PLEKHD1: variants seen among roughly 807,000 people sequenced by gnomAD.
The protein encoded by PLEKHD1 is pleckstrin homology domain-containing family D member 1.
PLEKHD1 carries 51 observed loss-of-function variants against 69.2 expected under a neutral mutation model. That is an observed-to-expected ratio of 0.74 (90% confidence interval 0.59 to 0.93). PLEKHD1 has a LOEUF of 0.93. Among genes scored for constraint, PLEKHD1 ranks in the 40% least tolerant of loss-of-function variants. PLEKHD1 has a pLI of 0.00. For synonymous variants in PLEKHD1, 236 were observed against 244.7 expected (o/e 0.96, Z 0.33); for missense variants, 584 against 641.0 (o/e 0.91, Z 0.96).
Position 69,524,377 on chromosome 14 carries a change from A to C in PLEKHD1, c.744+55A>C, listed in dbSNP as rs536624371. 178 of 1,422,632 alleles carry C rather than the reference A, an allele frequency of 1.3e-4. No homozygotes were observed. The African/African-American group carries it at 2.3e-3, about 18-fold the overall frequency. 88.1% of individuals were successfully genotyped at this position (1,422,632 alleles called of 1,614,324 possible). On this transcript the variant is annotated intron_variant, in intron 8 of 12. Transcript: ENST00000322564. Reference sequence around the variant, plus strand: ...AGGTGGCAGGCTGGTTGGTTGGACCACATGACACTGTTTTTTCCAGCAGTG... The same window carrying C: ...AGGTGGCAGGCTGGTTGGTTGGACCCCATGACACTGTTTTTTCCAGCAGTG...
Position 69,500,404 on chromosome 14 carries a change from C to G in PLEKHD1, c.244-173C>G, listed in dbSNP as rs532590230. ...ACTCTCCTGTGCCCCAGACCCTGCC[C>G]CAACCCTTCCTCTTCTCTCTGAACA... On this transcript the variant is annotated intron_variant, in intron 2 of 12. Coordinates refer to ENST00000322564, the MANE Select transcript of PLEKHD1 (RefSeq NM_001161498.2). 3.1e-3 allele frequency: 2,155 copies of G among 693,570 alleles called. 14 individuals carry two copies. The highest frequency in any genetic ancestry group is 4.1e-3 in the Non-Finnish European group (1,709 of 419,964). The allele number at this position is 693,570 out of a possible 1,614,324, so 43.0% of individuals were successfully genotyped here.
intron 1 of PLEKHD1, among the ~76,000 whole-genome samples, chr14:69,491,347 C>T (rs928776499): frequency 2.0e-5 from 3 of 152,092 alleles, no homozygotes; most frequent in Non-Finnish European, 2.9e-5. Context: ...TCAAATTGAG[C>T]GTTAGGTCTC....
intron 6 of PLEKHD1, 141 bp downstream of exon 6, chr14:69,503,020 T>A: frequency 3.3e-6 from 3 of 902,686 alleles, no homozygotes; most frequent in Non-Finnish European, 5.2e-6. Context: ...CCAAATGGGA[T>A]CACAGTGCTT....
At chr14:69,526,239 C>T in intron 9 of PLEKHD1, 117 bp downstream of exon 9, 2 of 1,095,676 alleles carry the variant, frequency 1.8e-6, no homozygotes, top group Non-Finnish European at 2.6e-6. Flanking sequence ...GACTCACTCA[C>T]TTCCTTTTGC....
intron 1 of PLEKHD1, among the ~76,000 whole-genome samples, chr14:69,498,105 TAG>T (rs1491385379): frequency 7.2e-6 from 1 of 139,676 alleles, no homozygotes; most frequent in African/African-American, 2.9e-5. Context: ...TATTTTATTT[TAG>T]AGAGTCTTGC....
Position 69,502,895 on chromosome 14 carries a change from G to C in PLEKHD1, c.555+16G>C, listed in dbSNP as rs576328152. ...GCAGAGAGAGGTAGGTGCACACCAA[G>C]GGGCTCTCAGCAGCCGTGGTGTAAT... On this transcript the variant is annotated intron_variant, in intron 6 of 12. Transcript: ENST00000322564. 2 of 1,551,478 alleles carry C rather than the reference G, an allele frequency of 1.3e-6. No individual in the cohort carries two copies. Among genetic ancestry groups the C allele is most frequent in the African/African-American group, 2.7e-5 (2 of 73,042 alleles).
chr14:69,471,252 C>T, the PLEKHD1 span, among the ~76,000 whole-genome samples: 2 of 151,720 alleles, frequency 1.3e-5, no homozygotes, highest in Non-Finnish European at 2.9e-5. Flanking sequence ...ACCACAGGCA[C>T]ACACCACCAC....
At chr14:69,477,746 C>G in the PLEKHD1 span, among the ~76,000 whole-genome samples, 8 of 152,246 alleles carry the variant, frequency 5.3e-5, no homozygotes, top group African/African-American at 1.9e-4. Flanking sequence ...GCATCCAGGT[C>G]ACACTGATGC....
At chr14:69,473,065 G>A in the PLEKHD1 span, among the ~76,000 whole-genome samples, 1 of 152,238 alleles carries the variant, frequency 6.6e-6, no homozygotes, top group African/African-American at 2.4e-5. Flanking sequence ...AGGAAAACAA[G>A]TTCAGGGCTC....
upstream of PLEKHD1, among the ~76,000 whole-genome samples, chr14:69,481,280 G>A (rs969480659): frequency 4.6e-5 from 7 of 152,110 alleles, no homozygotes; most frequent in African/African-American, 1.2e-4. Context: ...CTATGATCAC[G>A]CCACTGTACT....
intron 3 of PLEKHD1, 31 bp from the exon 4 acceptor site, chr14:69,500,840 C>T: frequency 6.4e-7 from 1 of 1,551,094 alleles, no homozygotes. Flanking sequence ...GGCTGCCTCT[C>T]AGGCATGCGC....
intron 1 of PLEKHD1, among the ~76,000 whole-genome samples, chr14:69,492,280 TTC>T (rs1307418969): frequency 2.0e-5 from 3 of 152,212 alleles, no homozygotes; most frequent in Non-Finnish European, 4.4e-5. Context: ...TCCTTCCAAA[TTC>T]CCAAGATACT....
chr14:69,476,143 A>G, the PLEKHD1 span, among the ~76,000 whole-genome samples: 1 of 151,782 alleles, frequency 6.6e-6, no homozygotes. Context: ...CTGTAATCCC[A>G]ACTATTCCAG....
At chr14:69,494,586 T>C (rs2139498622) in intron 1 of PLEKHD1, among the ~76,000 whole-genome samples, 1 of 152,334 alleles carries the variant, frequency 6.6e-6, no homozygotes, top group African/African-American at 2.4e-5. Flanking sequence ...CAAATACATG[T>C]GGAACCCTTA....
rs369998859 is a variant in PLEKHD1 at position 69,527,221 on chromosome 14, C to A, written c.1090C>A (p.Arg364Ser). The A allele has an allele frequency of 1.9e-6, 3 of 1,551,258 alleles. No individual in the cohort carries two copies. The highest frequency in any genetic ancestry group is 2.6e-6 in the Non-Finnish European group (3 of 1,146,858). The change falls in exon 11 of 13, where the codon CGT becomes AGT. Residue 364 changes from arginine to serine, a missense_variant. By Grantham distance (110) the Arg-to-Ser change is moderately radical (BLOSUM62 -1). Coordinates refer to ENST00000322564, the MANE Select transcript of PLEKHD1 (RefSeq NM_001161498.2). ...EVKVRMDLER[R>S]LREAEGALRS... ...GAAGGTCCGCATGGACCTGGAGAGGCGTCTCCGGGAGGCAGAAGGGGCCTT... is the reference window on the plus strand; with the variant it reads ...GAAGGTCCGCATGGACCTGGAGAGGAGTCTCCGGGAGGCAGAAGGGGCCTT...
At chr14:69,483,072 C>A (rs1034475297), upstream of PLEKHD1, among the ~76,000 whole-genome samples, 1 of 152,068 alleles carries the variant, frequency 6.6e-6, no homozygotes, top group Admixed American at 6.6e-5. Context: ...CTTCCCAGTC[C>A]CACCTCCTCC....
chr14:69,499,998 G>A, intron 1 of PLEKHD1, 117 bp from the exon 2 acceptor site: 1 of 681,904 alleles, frequency 1.5e-6, no homozygotes, highest in Non-Finnish European at 2.6e-6. Flanking sequence ...GGATGGCTGA[G>A]CTGGTGTCCC....
chr14:69,484,703 C>T (rs1042289093), upstream of PLEKHD1: 28 of 399,278 alleles, frequency 7.0e-5, no homozygotes, highest in African/African-American at 5.5e-4. Context: ...ATGCTGCCGG[C>T]CCGAGGCTGA....
chr14:69,500,541 G>A, intron 2 of PLEKHD1, 36 bp from the exon 3 acceptor site: 1 of 1,506,456 alleles, frequency 6.6e-7, no homozygotes, highest in Non-Finnish European at 8.9e-7. Context: ...CCCCAGTTGG[G>A]TGGGGTGGGG....
Sources: allele counts gnomAD v4.1 joint callset (sites outside exome capture counted in the v4.1 genomes callset), GRCh38; gene constraint gnomAD v4.1.1; transcripts MANE v1.5; gene names NCBI Gene and HGNC (gene_info 2026-07-23, HGNC 2026-07-21).